The following PLSCR4 variants were observed in gnomAD, a reference collection of about 807,000 sequenced individuals.
PLSCR4 encodes phospholipid scramblase 4, also known as Ca(2+)-dependent phospholipid scramblase 4.
Under a neutral mutation model 36.3 loss-of-function variants are expected in PLSCR4, and 25 were observed. The ratio of observed to expected loss-of-function variants is 0.69; its 90% CI spans 0.50 to 0.96. The LOEUF (loss-of-function observed/expected upper bound fraction) is 0.96, where lower values mean the gene tolerates loss of function less well. Ranked by LOEUF, PLSCR4 falls within the 40% of genes least tolerant of loss-of-function variation. PLSCR4 has a pLI of 0.00. For missense variants in PLSCR4, 408 were observed against 414.7 expected, an observed-to-expected ratio of 0.98 and a Z score of 0.14; for synonymous variants, 122 against 132.9, an observed-to-expected ratio of 0.92 and a Z score of 0.56.
intron 1 of PLSCR4, among the ~76,000 whole-genome samples, chr3:146,241,584 T>C (rs76136850): frequency 0.017 from 2,557 of 152,144 alleles, 77 homozygotes; most frequent in African/African-American, 0.058. Flanking sequence ...TTGAGGACTT[T>C]TACACTCCAT....
chr3:146,226,970 ATATTC>A (rs10576140), intron 1 of PLSCR4, among the ~76,000 whole-genome samples: 55,324 of 151,612 alleles, frequency 0.36, 10,150 homozygotes, highest in African/African-American at 0.42. Context: ...TCACCACCCT[ATATTC>A]TATTCCCTTT....
chr3:146,210,844 T>A lies in PLSCR4; in HGVS notation c.119-4083A>T, dbSNP rs967999288. On this transcript the variant is annotated intron_variant, in intron 3 of 8. Coordinates refer to ENST00000354952, the MANE Select transcript of PLSCR4 (RefSeq NM_020353.3). ...TGAAAACATACAATAGGCCTTTATG[T>A]CTGTTTTTTTTTTTACACTTGGCAT... Among the ~76,000 whole-genome samples, 3 of 125,908 alleles carry A rather than the reference T, an allele frequency of 2.4e-5. No individual in the cohort carries two copies. The East Asian group carries it at 7.4e-4, about 31-fold the overall frequency. 82.6% of individuals were successfully genotyped at this position (125,908 alleles called of 152,430 possible). A position where few individuals can be genotyped will look rare whatever the true frequency, so the allele number is the denominator to read the frequency against.
intron 1 of PLSCR4, among the ~76,000 whole-genome samples, chr3:146,227,084 T>A (rs1400537029): frequency 3.3e-5 from 5 of 152,222 alleles, no homozygotes; most frequent in African/African-American, 1.2e-4. Context: ...TAATCCTCCT[T>A]TAATATTCAG....
At chr3:146,232,414 T>C (rs570315024) in intron 1 of PLSCR4, among the ~76,000 whole-genome samples, 1 of 152,302 alleles carries the variant, frequency 6.6e-6, no homozygotes, top group East Asian at 1.9e-4. Flanking sequence ...CCATTGAATC[T>C]GTACATTGCT....
intron 1 of PLSCR4, among the ~76,000 whole-genome samples, chr3:146,245,932 T>G (rs2036320138): frequency 6.6e-6 from 1 of 152,128 alleles, no homozygotes; most frequent in Non-Finnish European, 1.5e-5. Flanking sequence ...TATGGTGGAC[T>G]GTGTTAATTA....
Position 146,220,860 on chromosome 3 carries a change from G to A in PLSCR4, c.73C>T (p.Pro25Ser). 2 of 1,613,696 alleles carry A rather than the reference G, an allele frequency of 1.2e-6. No individual in the cohort carries two copies. The highest frequency in any genetic ancestry group is 1.7e-6 in the Non-Finnish European group (2 of 1,179,716). The change falls in exon 3 of 9, where the codon CCA becomes TCA. Residue 25 changes from proline (P) to serine (S), a missense_variant. By Grantham distance (74) the Pro-to-Ser change is moderately conservative (BLOSUM62 -1). Transcript: ENST00000354952. ...EMENQTKPPD[P>S]RPDAPPEYNS... Reference sequence around the variant, plus strand: ...TATTCAGGAGGAGCATCAGGCCTTGGATCTGGTGGTTTTGTTTGATTTTCC... The same window carrying A: ...TATTCAGGAGGAGCATCAGGCCTTGAATCTGGTGGTTTTGTTTGATTTTCC...
At chr3:146,223,936 A>G (rs1166616734) in intron 1 of PLSCR4, among the ~76,000 whole-genome samples, 1 of 145,470 alleles carries the variant, frequency 6.9e-6, no homozygotes, top group Non-Finnish European at 1.5e-5. Context: ...TAATACAAAT[A>G]TATAATAATT....
intron 4 of PLSCR4, among the ~76,000 whole-genome samples, chr3:146,206,055 T>C (rs2034309551): frequency 6.6e-6 from 1 of 152,084 alleles, no homozygotes. Flanking sequence ...CCATTATTTT[T>C]ATTTATATTG....
chr3:146,239,226 G>A (rs1175393947), intron 1 of PLSCR4, among the ~76,000 whole-genome samples: 7 of 151,974 alleles, frequency 4.6e-5, no homozygotes, highest in South Asian at 2.1e-4. Flanking sequence ...CTAACAAGCT[G>A]AATACAAAGT....
intron 3 of PLSCR4, among the ~76,000 whole-genome samples, chr3:146,207,705 G>A (rs529501315): frequency 4.1e-4 from 62 of 152,076 alleles, no homozygotes; most frequent in Non-Finnish European, 7.8e-4. Flanking sequence ...ATTTGGGAGG[G>A]ATATAAACAT....
chr3:146,213,906 G>A (rs2034759774), intron 3 of PLSCR4, among the ~76,000 whole-genome samples: 3 of 151,870 alleles, frequency 2.0e-5, no homozygotes, highest in South Asian at 4.1e-4. Flanking sequence ...GTAATATGAG[G>A]TGTTTTATTT....
chr3:146,194,210 C>G lies in PLSCR4; in HGVS notation c.*201G>C, dbSNP rs2033578581. The G allele has an allele frequency of 3.6e-6, 2 of 557,458 alleles. No individual in the cohort carries two copies. The highest frequency in any genetic ancestry group is 4.9e-5 in the South Asian group (2 of 40,544). 34.5% of individuals were successfully genotyped at this position (557,458 alleles called of 1,614,324 possible). ...CAGCTTTTCAGGATGAACTCCTATTCTACTAGAGAGATACTCAATTGAAAC... is the reference window on the plus strand; with the variant it reads ...CAGCTTTTCAGGATGAACTCCTATTGTACTAGAGAGATACTCAATTGAAAC... On this transcript the variant is annotated 3_prime_UTR_variant, in exon 9 of 9. Transcript: ENST00000354952.
intron 1 of PLSCR4, among the ~76,000 whole-genome samples, chr3:146,233,969 A>ATATAAT (rs3028539): frequency 7.1e-4 from 107 of 151,592 alleles, no homozygotes; most frequent in African/African-American, 2.5e-3. Context: ...GGGTTTTGAA[A>ATATAAT]TATAGTTCGA....
At chr3:146,243,076 A>G (rs544745662) in intron 1 of PLSCR4, among the ~76,000 whole-genome samples, 2 of 152,172 alleles carry the variant, frequency 1.3e-5, no homozygotes, top group Non-Finnish European at 2.9e-5. Flanking sequence ...TCAAACCTGG[A>G]AAGTTCCTAA....
Position 146,225,624 on chromosome 3 carries a change from G to GTGCTGCT in PLSCR4, c.-21-3533_-21-3532insAGCAGCA, listed in dbSNP as rs1318766266. Among the ~76,000 whole-genome samples the GTGCTGCT allele has an allele frequency of 1.8e-4, 28 of 152,322 alleles. No individual in the cohort carries two copies. The Middle Eastern group carries it at 0.01, about 56-fold the overall frequency. On this transcript the variant is annotated intron_variant, in intron 1 of 8. Coordinates refer to ENST00000354952, the MANE Select transcript of PLSCR4 (RefSeq NM_020353.3). ...GTGAGAAATCGAGCACAGCACCGGT[G>GTGCTGCT]GGCTGGCACTGCTGGAGGACTCACT... is the stretch of plus-strand genomic sequence containing the variant.
In PLSCR4 at chr3:146,206,781, A is replaced by G; in HGVS notation, c.119-20T>C. On this transcript the variant is annotated intron_variant, in intron 3 of 8. Coordinates refer to ENST00000354952, the MANE Select transcript of PLSCR4 (RefSeq NM_020353.3). Reference sequence around the variant, plus strand: ...GGGGTCCTGTGTTCAAAAGAAATCAAAGTGTTATATATTATTAACACTAAA... The same window carrying G: ...GGGGTCCTGTGTTCAAAAGAAATCAGAGTGTTATATATTATTAACACTAAA... The G allele has an allele frequency of 1.4e-6, 2 of 1,460,570 alleles. No homozygotes were observed. The highest frequency in any genetic ancestry group is 1.9e-6 in the Non-Finnish European group (2 of 1,066,124). The allele number at this position is 1,460,570 out of a possible 1,614,324, so 90.5% of individuals were successfully genotyped here. A position where few individuals can be genotyped will look rare whatever the true frequency, so the allele number is the denominator to read the frequency against.
At chr3:146,224,086 G>C (rs2035317857) in intron 1 of PLSCR4, among the ~76,000 whole-genome samples, 1 of 151,918 alleles carries the variant, frequency 6.6e-6, no homozygotes, top group African/African-American at 2.4e-5. Flanking sequence ...TAAGGAAAAT[G>C]ACTACAGCTT....
chr3:146,247,559 G>T (rs184303609), intron 1 of PLSCR4, among the ~76,000 whole-genome samples: 1 of 152,212 alleles, frequency 6.6e-6, no homozygotes, highest in African/African-American at 2.4e-5. Flanking sequence ...TATATGAAAG[G>T]TATTAAAATT....
chr3:146,229,390 G>C (rs552257182), intron 1 of PLSCR4, among the ~76,000 whole-genome samples: 1 of 152,002 alleles, frequency 6.6e-6, no homozygotes, highest in East Asian at 1.9e-4. Flanking sequence ...AATTCAAGTA[G>C]TCATGCCAGT....
Sources: gnomAD v4.1 joint callset for allele counts (sites outside exome capture counted in the v4.1 genomes callset) on GRCh38, gnomAD v4.1.1 for gene constraint, MANE v1.5 for transcripts, NCBI Gene and HGNC (gene_info 2026-07-23, HGNC 2026-07-21) for gene names.